The following PTGR1 variants were observed in gnomAD, a reference collection of about 807,000 sequenced individuals.
PTGR1 encodes prostaglandin reductase 1.
PTGR1 carries 23 observed loss-of-function variants against 37.7 expected under a neutral mutation model. The observed-to-expected ratio is 0.61, with a 90% confidence interval of 0.44 to 0.86. The LOEUF (loss-of-function observed/expected upper bound fraction) is 0.86, where lower values mean the gene tolerates loss of function less well. Ranked by LOEUF, PTGR1 falls within the 40% of genes least tolerant of loss-of-function variation. PTGR1 has a pLI of 0.00. For missense variants in PTGR1, 351 were observed against 394.3 expected, an observed-to-expected ratio of 0.89 and a Z score of 0.93; for synonymous variants, 134 against 140.0, an observed-to-expected ratio of 0.96 and a Z score of 0.30.
Position 111,586,100 on chromosome 9 carries a change from G to T in PTGR1, c.275C>A (p.Thr92Lys). Residue 92 changes from threonine (T) to lysine (K), a missense_variant, in exon 5 of 10, where the codon ACA (threonine) becomes AAA (lysine). Transcript: ENST00000407693. ...TTTCCCATCAGAAATGGAGTGCGTT[G>T]TCCAGCCTGGAGAAGCCAGTACAAT... The part of the protein sequence containing the change: ...GTIVLASPGW[T>K]THSISDGKDL... 1.2e-6 allele frequency: 2 copies of T among 1,614,182 alleles called. No homozygotes were observed. The highest frequency in any genetic ancestry group is 1.7e-6 in the Non-Finnish European group (2 of 1,180,030).
intron 8 of PTGR1, among the ~76,000 whole-genome samples, chr9:111,573,054 T>C (rs1274541010): frequency 6.6e-6 from 1 of 152,192 alleles, no homozygotes; most frequent in Non-Finnish European, 1.5e-5. Flanking sequence ...GAATTCCATC[T>C]GATTAAAATG....
chr9:111,589,729 G>A (rs1158720617), intron 4 of PTGR1, among the ~76,000 whole-genome samples: 1 of 151,736 alleles, frequency 6.6e-6, no homozygotes, highest in Non-Finnish European at 1.5e-5. Context: ...CCTCCTCCTT[G>A]GTTCAAATGA....
chr9:111,553,275 T>C (rs1351224935), intron 9 of PTGR1, among the ~76,000 whole-genome samples: 4 of 152,262 alleles, frequency 2.6e-5, no homozygotes, highest in African/African-American at 9.6e-5. Flanking sequence ...CTATACTGTC[T>C]CTAGTCTTCT....
At chr9:111,573,873 T>C in intron 8 of PTGR1, among the ~76,000 whole-genome samples, 1 of 151,692 alleles carries the variant, frequency 6.6e-6, no homozygotes, top group East Asian at 1.9e-4. Context: ...CATAAGAGAG[T>C]AGGGAGTGGG....
chr9:111,583,473 T>C lies in PTGR1; in HGVS notation c.494A>G (p.Lys165Arg). The C allele has an allele frequency of 1.2e-6, 2 of 1,603,038 alleles. No homozygotes were observed. Among genetic ancestry groups the C allele is most frequent in the South Asian group, 1.1e-5 (1 of 90,842 alleles). The change falls in exon 6 of 10, where the codon AAG (lysine) becomes AGG (arginine). Residue 165 changes from lysine to arginine, a missense_variant and splice_region_variant. Lys to Arg is a conservative substitution (Grantham distance 26). Transcript: ENST00000407693. ...TTGTTACTGGAGAAAGGCACTTACC[T>C]TGAGCTTTGCAATCTGCCCCACGAC... ...GSVVGQIAKL[K>R]GCKVVGAVGS... is the part of the protein sequence containing the mutation.
intron 4 of PTGR1, chr9:111,589,278 G>C: frequency 7.7e-6 from 4 of 520,412 alleles, no homozygotes; most frequent in Non-Finnish European, 7.4e-6. Context: ...TGTTTGGAGA[G>C]AGAAATTGTA....
intron 8 of PTGR1, among the ~76,000 whole-genome samples, chr9:111,573,753 T>C (rs1030044658): frequency 3.9e-5 from 6 of 152,280 alleles, no homozygotes; most frequent in South Asian, 2.1e-4. Context: ...ACCCATAAAA[T>C]GAGAGGCCTG....
downstream of PTGR1, among the ~76,000 whole-genome samples, chr9:111,561,108 TATAGAGAG>T (rs1828290408): frequency 4.8e-5 from 1 of 20,860 alleles, no homozygotes; most frequent in Non-Finnish European, 8.2e-5. Flanking sequence ...TATATATATA[TATAGAGAG>T]AGAGAGAGAG....
At chr9:111,557,453 CT>C (rs376254465) in intron 9 of PTGR1, among the ~76,000 whole-genome samples, 23,366 of 148,394 alleles carry the variant, frequency 0.16, 2,387 homozygotes, top group African/African-American at 0.28. Context: ...CTTTTTTTTG[CT>C]TTTTTTTTGG....
At chr9:111,594,384 A>G in intron 2 of PTGR1, 117 bp from the exon 3 acceptor site, 1 of 812,518 alleles carries the variant, frequency 1.2e-6, no homozygotes, top group Non-Finnish European at 2.1e-6. Flanking sequence ...GAAACCACCC[A>G]TGAGGTACCA....
At chr9:111,565,131 A>T (rs976860576) in intron 9 of PTGR1, among the ~76,000 whole-genome samples, 5 of 152,164 alleles carry the variant, frequency 3.3e-5, no homozygotes, top group African/African-American at 1.2e-4. Flanking sequence ...TCTCAAAAAA[A>T]AAAGTACTTA....
At chr9:111,592,825 T>C in intron 4 of PTGR1, 101 bp downstream of exon 4, 6 of 1,488,472 alleles carry the variant, frequency 4.0e-6, no homozygotes, top group South Asian at 2.8e-5. Flanking sequence ...GTCAACAACA[T>C]AGGCTGAAGA....
chr9:111,561,125 AGAGAGAGAGAGAGGAGAGAGAGG>A, downstream of PTGR1, among the ~76,000 whole-genome samples: 1 of 60,754 alleles, frequency 1.6e-5, no homozygotes, highest in African/African-American at 1.0e-4. Context: ...AGAGAGAGAG[AGAGAGAGAGAGAGGAGAGAGAGG>A]GAGAGAGAGA....
chr9:111,578,718 A>G, intron 7 of PTGR1, 78 bp downstream of exon 7: 8 of 1,330,948 alleles, frequency 6.0e-6, no homozygotes, highest in Non-Finnish European at 7.1e-6. Context: ...CTAACCATCC[A>G]TGGCCCAGGG....
intron 7 of PTGR1, among the ~76,000 whole-genome samples, chr9:111,575,892 T>A (rs569692058): frequency 1.3e-5 from 2 of 152,102 alleles, no homozygotes; most frequent in East Asian, 3.9e-4. Context: ...AAAAATAGAT[T>A]AATTGGGCTT....
chr9:111,593,017 A>AT (rs1554820279), intron 3 of PTGR1, 35 bp from the exon 4 acceptor site: 1 of 1,364,724 alleles, frequency 7.3e-7, no homozygotes, highest in African/African-American at 2.0e-5. Context: ...AAAAAAAAAA[A>AT]TAGGTAAATA....
At chr9:111,569,580 A>G (rs1350850968) in intron 9 of PTGR1, among the ~76,000 whole-genome samples, 1 of 152,168 alleles carries the variant, frequency 6.6e-6, no homozygotes, top group African/African-American at 2.4e-5. Flanking sequence ...CCTGGCCAAC[A>G]TGACGAAAAC....
At chr9:111,555,487 A>C (rs1432842657) in intron 9 of PTGR1, among the ~76,000 whole-genome samples, 1 of 152,172 alleles carries the variant, frequency 6.6e-6, no homozygotes, top group Non-Finnish European at 1.5e-5. Context: ...TATGTGTATT[A>C]GTCTGTTCTC....
downstream of PTGR1, among the ~76,000 whole-genome samples, chr9:111,557,994 A>C (rs916392928): frequency 1.2e-4 from 19 of 152,268 alleles, no homozygotes; most frequent in Admixed American, 1.0e-3. Flanking sequence ...TAAAAATACA[A>C]AAATTAGCCA....
Sources: allele counts gnomAD v4.1 joint callset (sites outside exome capture counted in the v4.1 genomes callset), GRCh38; gene constraint gnomAD v4.1.1; transcripts MANE v1.5; gene names NCBI Gene and HGNC (gene_info 2026-07-23, HGNC 2026-07-21).